NRXN3: variants seen among roughly 807,000 people sequenced by gnomAD.
The protein encoded by NRXN3 is neurexin III.
Under a neutral mutation model 137.6 loss-of-function variants are expected in NRXN3, and 32 were observed. The observed-to-expected ratio is 0.23, with a 90% confidence interval of 0.18 to 0.31. NRXN3 has a LOEUF of 0.31. NRXN3 is among the 10% of genes least tolerant of loss of function. The probability of loss-of-function intolerance (pLI) is 1.00; values close to 1 mark genes in which losing one functional copy is unlikely to be tolerated. For synonymous variants in NRXN3, 798 were observed against 784.5 expected (o/e 1.02, Z -0.29); for missense variants, 1,574 against 2,062.5 (o/e 0.76, Z 4.59).
intron 6 of NRXN3, among the ~76,000 whole-genome samples, chr14:78,666,800 C>A (rs549304055): frequency 5.9e-5 from 9 of 152,200 alleles, no homozygotes; most frequent in African/African-American, 2.2e-4. Context: ...GCATTCTGCC[C>A]CGTTTTGCTC....
intron 1 of NRXN3, among the ~76,000 whole-genome samples, chr14:78,205,213 G>A (rs779752289): frequency 1.3e-5 from 2 of 152,368 alleles, no homozygotes; most frequent in East Asian, 3.9e-4. Context: ...CTGATTGGAT[G>A]TGTTTAAGTA....
intron 6 of NRXN3, among the ~76,000 whole-genome samples, chr14:78,658,638 C>T (rs542941765): frequency 6.6e-6 from 1 of 152,262 alleles, no homozygotes; most frequent in South Asian, 2.1e-4. Context: ...TTGTCTTGAT[C>T]TGTAAAATGA....
intron 6 of NRXN3, among the ~76,000 whole-genome samples, chr14:78,657,478 C>T (rs982793110): frequency 3.3e-5 from 5 of 152,198 alleles, no homozygotes; most frequent in Admixed American, 2.6e-4. Context: ...ACTCTCTCAT[C>T]TCTCTTTTCT....
intron 17 of NRXN3, among the ~76,000 whole-genome samples, chr14:79,679,054 ATT>A (rs369039254): frequency 1.0e-4 from 15 of 149,502 alleles, no homozygotes; most frequent in African/African-American, 3.7e-4. Flanking sequence ...TTTGGCTTAA[ATT>A]TTTTTTTTCA....
intron 2 of NRXN3, among the ~76,000 whole-genome samples, chr14:78,277,182 A>G (rs2073723158): frequency 6.6e-6 from 1 of 152,290 alleles, no homozygotes; most frequent in East Asian, 1.9e-4. Flanking sequence ...TTCCTGGGGC[A>G]AGGGCCCTAA....
At chr14:78,229,387 GC>G (rs1345144969) in intron 1 of NRXN3, among the ~76,000 whole-genome samples, 1 of 151,750 alleles carries the variant, frequency 6.6e-6, no homozygotes, top group Non-Finnish European at 1.5e-5. Flanking sequence ...TGCCACTTCC[GC>G]CACCGTCCAG....
chr14:79,355,900 T>C (rs2093405277), intron 15 of NRXN3, among the ~76,000 whole-genome samples: 1 of 152,116 alleles, frequency 6.6e-6, no homozygotes, highest in African/African-American at 2.4e-5. Flanking sequence ...ACCCTAGAGG[T>C]CAAAGATTGT....
intron 16 of NRXN3, among the ~76,000 whole-genome samples, chr14:79,604,266 A>T (rs762571300): frequency 8.0e-5 from 12 of 149,090 alleles, no homozygotes; most frequent in Non-Finnish European, 1.6e-4. Flanking sequence ...ATGGAGTTTC[A>T]CTCTGTCACC....
intron 15 of NRXN3, among the ~76,000 whole-genome samples, chr14:79,365,579 C>T (rs1229180247): frequency 6.6e-6 from 1 of 150,392 alleles, no homozygotes; most frequent in African/African-American, 2.4e-5. Flanking sequence ...ATTAGCCGGG[C>T]GCGGTGGCGG....
chr14:79,169,048 A>G (rs1477185562), intron 15 of NRXN3, among the ~76,000 whole-genome samples: 4 of 152,122 alleles, frequency 2.6e-5, no homozygotes, highest in Non-Finnish European at 5.9e-5. Flanking sequence ...ATAGTCATTC[A>G]TTCATTCCTT....
chr14:79,150,383 G>A (rs2059690116), intron 15 of NRXN3, among the ~76,000 whole-genome samples: 5 of 151,920 alleles, frequency 3.3e-5, no homozygotes, highest in Admixed American at 2.6e-4. Context: ...ACCAGCAGTA[G>A]AAAAGTATGT....
At chr14:78,360,461 A>G (rs935620319) in intron 4 of NRXN3, among the ~76,000 whole-genome samples, 2 of 152,124 alleles carry the variant, frequency 1.3e-5, no homozygotes, top group African/African-American at 2.4e-5. Flanking sequence ...TGCACTACTG[A>G]TAGGTGGTTA....
At chr14:79,824,695 C>G (rs187684838) in intron 20 of NRXN3, among the ~76,000 whole-genome samples, 3 of 152,106 alleles carry the variant, frequency 2.0e-5, no homozygotes, top group African/African-American at 7.2e-5. Context: ...GATTTCCTCA[C>G]GTATATTTAA....
chr14:78,837,133 A>G (rs554563885), intron 10 of NRXN3, among the ~76,000 whole-genome samples: 2 of 152,288 alleles, frequency 1.3e-5, no homozygotes, highest in East Asian at 3.9e-4. Context: ...GAGATTGTGA[A>G]TGCACCTCTA....
At chr14:78,753,137 T>A (rs1329993553) in intron 8 of NRXN3, among the ~76,000 whole-genome samples, 1 of 152,112 alleles carries the variant, frequency 6.6e-6, no homozygotes. Flanking sequence ...GAGACTTGAG[T>A]GATGGCAGCA....
intron 20 of NRXN3, among the ~76,000 whole-genome samples, chr14:79,852,400 G>A (rs1195419282): frequency 6.6e-6 from 1 of 151,918 alleles, no homozygotes; most frequent in East Asian, 1.9e-4. Context: ...TTGTCTTGCT[G>A]CCCCTAATCC....
At chr14:79,503,199 A>G (rs1044333633) in intron 16 of NRXN3, among the ~76,000 whole-genome samples, 2 of 151,750 alleles carry the variant, frequency 1.3e-5, no homozygotes, top group African/African-American at 4.8e-5. Flanking sequence ...CCCTTTGTTG[A>G]TTTCTGTTTT....
intron 4 of NRXN3, among the ~76,000 whole-genome samples, chr14:78,510,759 C>A (rs963969020): frequency 3.3e-5 from 5 of 152,094 alleles, no homozygotes; most frequent in Admixed American, 6.6e-5. Flanking sequence ...GACTAAATTT[C>A]ATGGAAATTC....
At chr14:78,892,774 C>CTGTGTGTGTGTGTGTG (rs58718552) in intron 10 of NRXN3, among the ~76,000 whole-genome samples, 1,820 of 140,112 alleles carry the variant, frequency 0.013, 11 homozygotes, top group Middle Eastern at 0.036. Context: ...CCCCCATCTT[C>CTGTGTGTGTGTGTGTG]TGTGTGTGTG....
Sources: gnomAD v4.1 joint callset for allele counts (sites outside exome capture counted in the v4.1 genomes callset) on GRCh38, gnomAD v4.1.1 for gene constraint, MANE v1.5 for transcripts, NCBI Gene and HGNC (gene_info 2026-07-23, HGNC 2026-07-21) for gene names.